VPS41: variants seen among roughly 807,000 people sequenced by gnomAD.
VPS41 encodes the protein VPS41 subunit of HOPS complex, also known as vacuolar protein sorting-associated protein 41 homolog.
In VPS41, 85 loss-of-function variants were observed where a neutral mutation model predicts 130.9. The observed-to-expected ratio is 0.65, with a 90% CI of 0.55 to 0.78. The LOEUF (loss-of-function observed/expected upper bound fraction) is 0.78. VPS41 is among the 30% of genes least tolerant of loss of function. The probability of loss-of-function intolerance (pLI) is 0.00; values close to 1 mark genes in which losing one functional copy is unlikely to be tolerated. For synonymous variants in VPS41, 335 were observed against 332.9 expected, an observed-to-expected ratio of 1.01 and a Z score of -0.07; for missense variants, 874 against 1,018.7, an observed-to-expected ratio of 0.86 and a Z score of 1.93.
chr7:38,812,698 A>T (rs1032649128), intron 7 of VPS41, among the ~76,000 whole-genome samples: 20 of 152,186 alleles, frequency 1.3e-4, no homozygotes, highest in African/African-American at 2.9e-4. Context: ...CTCTATAATT[A>T]AAAAAACCCA....
intron 25 of VPS41, among the ~76,000 whole-genome samples, chr7:38,733,068 T>C (rs986780865): frequency 6.6e-6 from 1 of 152,194 alleles, no homozygotes; most frequent in African/African-American, 2.4e-5. Flanking sequence ...GCTCAAGCCA[T>C]CCGTTCACCT....
At chr7:38,815,854 C>T (rs144896882) in intron 7 of VPS41, among the ~76,000 whole-genome samples, 1,570 of 152,146 alleles carry the variant, frequency 0.01, 6 homozygotes, top group Non-Finnish European at 0.015. Flanking sequence ...CTTGCTCCTC[C>T]GCTTGCAGAG....
At chr7:38,830,154 C>A in intron 5 of VPS41, 100 bp downstream of exon 5, 1 of 761,216 alleles carries the variant, frequency 1.3e-6, no homozygotes, top group African/African-American at 1.7e-5. Flanking sequence ...AAAGAATAAT[C>A]AAGATTGTCT....
At position 38,726,921 on chromosome 7, in the gene VPS41, G is replaced by A; in HGVS notation, c.2472C>T (p.Pro824=). 6.3e-7 allele frequency: 1 copy of A among 1,577,994 alleles called. No individual in the cohort carries two copies. Among genetic ancestry groups the A allele is most frequent in the South Asian group, 1.2e-5 (1 of 85,696 alleles). The change falls in exon 28 of 29, where the codon CCC becomes CCT. Residue 824 remains proline (P), a synonymous_variant. Transcript: ENST00000310301. The part of the protein sequence containing the change: ...CRHMFHKECL[P]MPSMNSAAQF... The stretch of plus-strand genomic sequence containing the variant: ...GCTGCCAACTCACCATGCTGGGCAT[G>A]GGCAGGCACTCCTTGTGGAACATGT...
intron 23 of VPS41, 96 bp downstream of exon 23, chr7:38,745,463 T>C: frequency 1.1e-6 from 1 of 951,492 alleles, no homozygotes. Flanking sequence ...CTGTGTTACG[T>C]TGGTCTAAAA....
intron 4 of VPS41, among the ~76,000 whole-genome samples, chr7:38,843,904 A>G (rs1045075719): frequency 1.3e-5 from 2 of 152,200 alleles, no homozygotes; most frequent in Non-Finnish European, 2.9e-5. Flanking sequence ...GTTATGTTAC[A>G]TTTAATATAC....
intron 2 of VPS41, among the ~76,000 whole-genome samples, chr7:38,886,772 C>T (rs1786741533): frequency 6.6e-6 from 1 of 152,106 alleles, no homozygotes; most frequent in Non-Finnish European, 1.5e-5. Flanking sequence ...CCAGTAGGGG[C>T]CAACAGACAC....
intron 17 of VPS41, among the ~76,000 whole-genome samples, chr7:38,759,633 T>C (rs550466162): frequency 1.2e-4 from 18 of 152,270 alleles, no homozygotes; most frequent in African/African-American, 3.6e-4. Context: ...TTTTACGAAA[T>C]GTACAACTAA....
chr7:38,727,663 T>G (rs749384953), intron 27 of VPS41, among the ~76,000 whole-genome samples: 1 of 152,228 alleles, frequency 6.6e-6, no homozygotes, highest in Non-Finnish European at 1.5e-5. Context: ...AACATCCAAA[T>G]CTAATTCCTC....
At chr7:38,892,872 T>C (rs1786896690) in intron 2 of VPS41, among the ~76,000 whole-genome samples, 2 of 152,178 alleles carry the variant, frequency 1.3e-5, no homozygotes, top group Non-Finnish European at 2.9e-5. Flanking sequence ...TTGGCTCGTC[T>C]CTTCCACACT....
intron 7 of VPS41, among the ~76,000 whole-genome samples, chr7:38,799,427 T>C (rs578067510): frequency 6.6e-6 from 1 of 152,118 alleles, no homozygotes; most frequent in East Asian, 1.9e-4. Flanking sequence ...AGAAATACTA[T>C]AAACCTAAAC....
intron 1 of VPS41, among the ~76,000 whole-genome samples, chr7:38,907,322 G>A (rs951806302): frequency 1.2e-4 from 19 of 152,214 alleles, no homozygotes; most frequent in African/African-American, 4.6e-4. Flanking sequence ...AAGAGAGCCA[G>A]TACAGCTGAT....
chr7:38,865,861 G>A (rs897477314), intron 3 of VPS41, among the ~76,000 whole-genome samples: 1 of 152,166 alleles, frequency 6.6e-6, no homozygotes, highest in African/African-American at 2.4e-5. Flanking sequence ...CAGGAAAGTA[G>A]AGGAAATCAG....
rs191864938 is a variant in VPS41 at position 38,760,669 on chromosome 7, G to A, written c.1423-2188C>T. ...CTCTTTGGAAAAAGCACAGGACACA[G>A]ACCCTGTTTCTTTTCCCCAAGTATG... On this transcript the variant is annotated intron_variant, in intron 17 of 28. Transcript: ENST00000310301. Among the ~76,000 whole-genome samples the A allele has an allele frequency of 5.1e-4, 77 of 152,088 alleles. 2 individuals carry two copies. In the East Asian group the frequency reaches 8.3e-3, roughly 16 times the overall value.
At chr7:38,845,250 A>C (rs1345617823) in intron 4 of VPS41, among the ~76,000 whole-genome samples, 2 of 152,218 alleles carry the variant, frequency 1.3e-5, no homozygotes, top group Non-Finnish European at 2.9e-5. Context: ...TCAAAACATT[A>C]CTTCAATAAA....
intron 25 of VPS41, among the ~76,000 whole-genome samples, chr7:38,738,098 G>A (rs900966551): frequency 1.3e-5 from 2 of 152,288 alleles, no homozygotes; most frequent in Admixed American, 6.5e-5. Context: ...AGGGACTCAT[G>A]AGGCTTAGCC....
At chr7:38,771,105 T>C (rs112035712) in intron 14 of VPS41, 93 bp downstream of exon 14, 30 of 904,462 alleles carry the variant, frequency 3.3e-5, no homozygotes, top group African/African-American at 8.4e-5. Context: ...TCTCAAAAGA[T>C]AGGAAAAACC....
At chr7:38,789,703 A>T in intron 10 of VPS41, 98 bp downstream of exon 10, 1 of 1,197,900 alleles carries the variant, frequency 8.3e-7, no homozygotes, top group Non-Finnish European at 1.2e-6. Context: ...TGCTGCAGGG[A>T]TCCAGGCAAA....
intron 6 of VPS41, among the ~76,000 whole-genome samples, chr7:38,818,702 T>A (rs988466334): frequency 3.9e-5 from 6 of 152,184 alleles, no homozygotes; most frequent in African/African-American, 1.4e-4. Flanking sequence ...TCTCTCTTTA[T>A]CCCCAAACCA....
Sources: gnomAD v4.1 joint callset for allele counts (sites outside exome capture counted in the v4.1 genomes callset) on GRCh38, gnomAD v4.1.1 for gene constraint, MANE v1.5 for transcripts, NCBI Gene and HGNC (gene_info 2026-07-23, HGNC 2026-07-21) for gene names.